Variants in PAX7 observed in about 807,000 individuals in gnomAD.
PAX7 encodes paired box protein Pax-7.
In PAX7, 18 loss-of-function variants were observed where a neutral mutation model predicts 50.7. That is an observed-to-expected ratio of 0.36 (90% CI 0.25 to 0.53). The LOEUF (loss-of-function observed/expected upper bound fraction) is 0.53. Among genes scored for constraint, PAX7 ranks in the 20% least tolerant of loss-of-function variants. The pLI is 0.93. For missense variants in PAX7, 644 were observed against 702.9 expected (o/e 0.92, Z 0.95); for synonymous variants, 310 against 290.4 (o/e 1.07, Z -0.69).
At chr1:18,736,047 C>T (rs1245389294) in intron 8 of PAX7, 169 bp downstream of exon 8, 1 of 1,405,390 alleles carries the variant, frequency 7.1e-7, no homozygotes, top group Non-Finnish European at 9.9e-7. Context: ...TAAAATGACA[C>T]TGAGTTGGGC....
rs762116733 is a variant in PAX7 at position 18,735,907 on chromosome 1, C to T, written c.1402+29C>T. 108 of 1,613,908 alleles carry T rather than the reference C, an allele frequency of 6.7e-5. 1 individual carries two copies. The highest frequency in any genetic ancestry group is 8.0e-5 in the Non-Finnish European group (94 of 1,179,996). On this transcript the variant is annotated intron_variant, in intron 8 of 8. Transcript: ENST00000420770. The surrounding 1 kb of genome is among the most constrained non-coding windows in gnomAD (Gnocchi z 4.0). ...AGTGCCTGGTGCCCTGGGCGTCCCC[C>T]GTCCCCATTCCTTCTCCCACCCCCA...
chr1:18,695,541 C>A (rs1048329013), intron 5 of PAX7, among the ~76,000 whole-genome samples: 2 of 152,208 alleles, frequency 1.3e-5, no homozygotes, highest in African/African-American at 4.8e-5. Flanking sequence ...TGCCTTCCTG[C>A]AGGGGCCAGG....
intron 7 of PAX7, among the ~76,000 whole-genome samples, chr1:18,715,234 A>G (rs1020224795): frequency 6.6e-6 from 1 of 152,142 alleles, no homozygotes; most frequent in East Asian, 1.9e-4. Flanking sequence ...GCTCCCTTCC[A>G]TGAAGCTTTC....
At chr1:18,683,484 C>T (rs949296627) in intron 4 of PAX7, among the ~76,000 whole-genome samples, 12 of 152,156 alleles carry the variant, frequency 7.9e-5, no homozygotes, top group African/African-American at 2.7e-4. Context: ...GATTCGGCAA[C>T]GAATCAATGA....
At chr1:18,643,592 C>T (rs2088292266) in intron 4 of PAX7, among the ~76,000 whole-genome samples, 2 of 152,268 alleles carry the variant, frequency 1.3e-5, no homozygotes, top group South Asian at 4.1e-4. Flanking sequence ...CCAGCGGGAC[C>T]TAGAGACAGC....
At chr1:18,642,783 A>C (rs1270588275) in intron 4 of PAX7, among the ~76,000 whole-genome samples, 1 of 152,126 alleles carries the variant, frequency 6.6e-6, no homozygotes, top group Admixed American at 6.5e-5. Context: ...GAATCAAGGC[A>C]GAACGGTGAC....
chr1:18,647,106 C>T (rs2088355891), intron 4 of PAX7, among the ~76,000 whole-genome samples: 3 of 151,978 alleles, frequency 2.0e-5, no homozygotes, highest in Admixed American at 6.5e-5. Flanking sequence ...AAACCCACAA[C>T]AAAACCGAGC....
chr1:18,636,349 C>G lies in PAX7; in HGVS notation c.564C>G (p.Ile188Met). The change falls in exon 4 of 9, where the codon ATC (isoleucine) becomes ATG (methionine). Residue 188 changes from isoleucine to methionine, a missense_variant. Physicochemically the swap from Ile to Met is conservative, Grantham distance 10. Coordinates refer to ENST00000420770, the MANE Select transcript of PAX7 (RefSeq NM_001135254.2). This position sits in a 1 kb window ranked among gnomAD's most constrained non-coding sequence, Gnocchi z 5.1. ...DDGEKKAKHS[I>M]DGILGDKGNR... ...GCGAAAAGAAGGCCAAACACAGCATCGACGGCATCCTGGGCGACAAAGGTA... is the reference window on the plus strand; with the variant it reads ...GCGAAAAGAAGGCCAAACACAGCATGGACGGCATCCTGGGCGACAAAGGTA... 6.2e-7 allele frequency: 1 copy of G among 1,614,190 alleles called. No homozygotes were observed. The highest frequency in any genetic ancestry group is 2.2e-5 in the East Asian group (1 of 44,886).
At chr1:18,669,589 C>T (rs79376807) in intron 4 of PAX7, among the ~76,000 whole-genome samples, 4,390 of 152,158 alleles carry the variant, frequency 0.029, 194 homozygotes, top group African/African-American at 0.096. Flanking sequence ...CAGCTTGAAC[C>T]GACTCTTTTG....
chr1:18,676,714 T>G (rs1234136764), intron 4 of PAX7, among the ~76,000 whole-genome samples: 1 of 152,116 alleles, frequency 6.6e-6, no homozygotes, highest in African/African-American at 2.4e-5. Context: ...CACACGCAAC[T>G]TAGGATCATA....
intron 7 of PAX7, among the ~76,000 whole-genome samples, chr1:18,707,704 C>A (rs554288048): frequency 1.4e-4 from 21 of 152,228 alleles, no homozygotes; most frequent in African/African-American, 4.6e-4. Flanking sequence ...GGATTACAGG[C>A]ATGAGCCACT....
At chr1:18,739,556 T>C (rs766071889) in intron 8 of PAX7, among the ~76,000 whole-genome samples, 2 of 152,168 alleles carry the variant, frequency 1.3e-5, no homozygotes, top group Non-Finnish European at 1.5e-5. Context: ...GATGAGGAAA[T>C]GGGATCCCAG....
chr1:18,732,861 T>C (rs2089663041), intron 7 of PAX7, among the ~76,000 whole-genome samples: 1 of 152,140 alleles, frequency 6.6e-6, no homozygotes. Context: ...GGGCTTGGCA[T>C]CCTGGGGATG....
chr1:18,631,503 A>G lies in PAX7; in HGVS notation c.-101A>G. On this transcript the variant is annotated 5_prime_UTR_variant, in exon 1 of 9. Transcript: ENST00000420770. ...GGAGGGAGAAGAGGTTAAAAAAAAGAAGACGAAGAAGACGGAAAGAAAGAG... is the reference window on the plus strand; with the variant it reads ...GGAGGGAGAAGAGGTTAAAAAAAAGGAGACGAAGAAGACGGAAAGAAAGAG... The G allele has an allele frequency of 1.0e-6, 1 of 985,854 alleles. No homozygotes were observed. The highest frequency in any genetic ancestry group is 1.6e-6 in the Non-Finnish European group (1 of 636,050). 61.1% of individuals were successfully genotyped at this position (985,854 alleles called of 1,614,324 possible).
At chr1:18,744,282 T>C (rs1453302923) in intron 8 of PAX7, among the ~76,000 whole-genome samples, 1 of 152,144 alleles carries the variant, frequency 6.6e-6, no homozygotes, top group Non-Finnish European at 1.5e-5. Context: ...TGAGGGGTGG[T>C]TAATTCTTTG....
chr1:18,663,724 T>C (rs12410669), intron 4 of PAX7, among the ~76,000 whole-genome samples: 3,809 of 152,312 alleles, frequency 0.025, 103 homozygotes, highest in East Asian at 0.15. Flanking sequence ...CTCAATCCTC[T>C]AGGATAATTT....
chr1:18,672,975 AAG>A (rs1321387833), intron 4 of PAX7, among the ~76,000 whole-genome samples: 1 of 152,096 alleles, frequency 6.6e-6, no homozygotes, highest in African/African-American at 2.4e-5. Context: ...TGATGCGGGG[AAG>A]AGGAGGTAAA....
chr1:18,724,284 G>A (rs1038887403), intron 7 of PAX7, among the ~76,000 whole-genome samples: 3 of 152,224 alleles, frequency 2.0e-5, no homozygotes, highest in South Asian at 4.1e-4. Flanking sequence ...AAGCTCACTG[G>A]GGCACAGGCC....
At chr1:18,712,318 C>CG (rs397957089) in intron 7 of PAX7, among the ~76,000 whole-genome samples, 1 of 152,206 alleles carries the variant, frequency 6.6e-6, no homozygotes, top group Non-Finnish European at 1.5e-5. Flanking sequence ...TATTTCCCCC[C>CG]GGCAGCTCCT....
Sources: allele counts gnomAD v4.1 joint callset (sites outside exome capture counted in the v4.1 genomes callset), GRCh38; gene constraint gnomAD v4.1.1; non-coding constraint Gnocchi (gnomAD v3.1); transcripts MANE v1.5; gene names NCBI Gene and HGNC (gene_info 2026-07-23, HGNC 2026-07-21).